Variants in YAP1 observed in about 807,000 individuals in gnomAD.
The protein encoded by YAP1 is transcriptional coactivator YAP1.
Under a neutral mutation model 56.9 loss-of-function variants are expected in YAP1, and 5 were observed. The ratio of observed to expected loss-of-function variants is 0.09; its 90% CI spans 0.05 to 0.18. The LOEUF (loss-of-function observed/expected upper bound fraction) is 0.18, where lower values mean the gene tolerates loss of function less well. Ranked by LOEUF, YAP1 falls within the 10% of genes least tolerant of loss-of-function variation. YAP1 has a pLI of 1.00. For synonymous variants in YAP1, 265 were observed against 248.1 expected (o/e 1.07, Z -0.64); for missense variants, 539 against 651.8 (o/e 0.83, Z 1.88).
chr11:102,185,963 T>G (rs1212989611), intron 3 of YAP1, 55 bp from the exon 4 acceptor site: 5 of 1,500,800 alleles, frequency 3.3e-6, no homozygotes, highest in East Asian at 4.8e-5. Context: ...CTCCCACTTT[T>G]TTTTAGGTGC....
At chr11:102,144,671 T>A (rs2135309998) in intron 2 of YAP1, among the ~76,000 whole-genome samples, 1 of 152,294 alleles carries the variant, frequency 6.6e-6, no homozygotes, top group South Asian at 2.1e-4. Context: ...TCTGCAAGAA[T>A]TTTTTCTGTA....
At chr11:102,222,877 C>T (rs534329525) in intron 6 of YAP1, among the ~76,000 whole-genome samples, 3 of 117,980 alleles carry the variant, frequency 2.5e-5, no homozygotes, top group East Asian at 4.7e-4. Context: ...TTTTTTTTGG[C>T]GGGGGAGGGG....
At chr11:102,218,131 A>G (rs1949749131) in intron 6 of YAP1, among the ~76,000 whole-genome samples, 1 of 152,244 alleles carries the variant, frequency 6.6e-6, no homozygotes, top group Admixed American at 6.5e-5. Flanking sequence ...TTTACTTGGA[A>G]TATCTAATCA....
chr11:102,111,548 T>C (rs1254271483), intron 1 of YAP1, among the ~76,000 whole-genome samples: 1 of 149,422 alleles, frequency 6.7e-6, no homozygotes, highest in Non-Finnish European at 1.5e-5. Flanking sequence ...GCGGTGGGCT[T>C]GCACAATGCG....
chr11:102,169,334 T>C (rs1321274445), intron 3 of YAP1, among the ~76,000 whole-genome samples: 1 of 152,250 alleles, frequency 6.6e-6, no homozygotes, highest in Non-Finnish European at 1.5e-5. Context: ...TTGTTAAAAA[T>C]CTGTTACCAC....
At chr11:102,133,073 A>G (rs1479630327) in intron 2 of YAP1, among the ~76,000 whole-genome samples, 1 of 152,106 alleles carries the variant, frequency 6.6e-6, no homozygotes, top group Non-Finnish European at 1.5e-5. Context: ...CAGGAGAATC[A>G]CTTGAACCAG....
chr11:102,209,138 G>T (rs1033210521), intron 5 of YAP1, among the ~76,000 whole-genome samples: 2 of 152,092 alleles, frequency 1.3e-5, no homozygotes, highest in Non-Finnish European at 2.9e-5. Flanking sequence ...AATAAATTCA[G>T]TATATCTTAA....
intron 3 of YAP1, among the ~76,000 whole-genome samples, chr11:102,178,849 C>G (rs1204442017): frequency 6.6e-6 from 1 of 152,126 alleles, no homozygotes. Flanking sequence ...AAGCATGGTG[C>G]CAGCGTCTGC....
chr11:102,120,943 G>T (rs1006154388), intron 2 of YAP1, among the ~76,000 whole-genome samples: 1 of 152,198 alleles, frequency 6.6e-6, no homozygotes, highest in Non-Finnish European at 1.5e-5. Flanking sequence ...CACCTAGGAG[G>T]TGAAGCAAGA....
At chr11:102,218,394 C>G (rs1262069566) in intron 6 of YAP1, among the ~76,000 whole-genome samples, 3 of 152,202 alleles carry the variant, frequency 2.0e-5, no homozygotes, top group Admixed American at 2.0e-4. Context: ...AGCTGTTACA[C>G]TGTTATAACT....
At chr11:102,126,071 G>C (rs1944021136) in intron 2 of YAP1, among the ~76,000 whole-genome samples, 1 of 152,040 alleles carries the variant, frequency 6.6e-6, no homozygotes, top group African/African-American at 2.4e-5. Context: ...TTTGAATCCA[G>C]AGTCTCCAGG....
At chr11:102,146,763 G>A (rs2135322293) in intron 2 of YAP1, among the ~76,000 whole-genome samples, 2 of 152,216 alleles carry the variant, frequency 1.3e-5, no homozygotes, top group African/African-American at 4.8e-5. Context: ...TTCCATTCTG[G>A]TGGAGAATTG....
At chr11:102,167,909 G>T (rs1301711261) in intron 3 of YAP1, among the ~76,000 whole-genome samples, 1 of 152,062 alleles carries the variant, frequency 6.6e-6, no homozygotes, top group Non-Finnish European at 1.5e-5. Context: ...AGGCATGGTG[G>T]CCACACACCT....
At chr11:102,226,798 G>A (rs758467058) in intron 7 of YAP1, among the ~76,000 whole-genome samples, 31 of 151,954 alleles carry the variant, frequency 2.0e-4, no homozygotes, top group Non-Finnish European at 3.2e-4. Context: ...GTTTCGTTTC[G>A]TACTGAAGTG....
intron 3 of YAP1, 100 bp from the exon 4 acceptor site, chr11:102,185,918 T>C (rs1225261244): frequency 1.4e-5 from 16 of 1,175,988 alleles, no homozygotes; most frequent in Non-Finnish European, 1.8e-5. Flanking sequence ...AATTGTTTTA[T>C]GTTAAGATGT....
At position 102,111,071 on chromosome 11, in the gene YAP1, C is replaced by CCCA; in HGVS notation, c.224_226dup (p.Pro75_Lys76insThr). ...GGCGCTCTTCAACGCCGTCATGAAC[C>CCCA]CCAAGACGGCCAACGTGCCCCAGAC... On this transcript the variant is annotated inframe_insertion, in exon 1 of 9. Transcript: ENST00000282441. 1 of 1,613,402 alleles carries CCCA rather than the reference C, an allele frequency of 6.2e-7. No individual in the cohort carries two copies. The highest frequency in any genetic ancestry group is 8.5e-7 in the Non-Finnish European group (1 of 1,179,832).
intron 2 of YAP1, among the ~76,000 whole-genome samples, chr11:102,150,284 T>C (rs1034046727): frequency 6.6e-6 from 1 of 152,102 alleles, no homozygotes; most frequent in Non-Finnish European, 1.5e-5. Context: ...GCGCCCAGCC[T>C]GCTTACTACT....
rs534318083 is a variant in YAP1, at chr11:102,230,823, T to A, written c.*883T>A. On this transcript the variant is annotated 3_prime_UTR_variant, in exon 9 of 9. Transcript: ENST00000282441. The stretch of plus-strand genomic sequence containing the variant: ...AAAATCTTCATTTCCTGGTTTTTTT[T>A]ACCACCTTATTTAAATCTCGATTAT... 31 of 152,518 alleles carry A rather than the reference T, an allele frequency of 2.0e-4. No individual in the cohort carries two copies. The highest frequency in any genetic ancestry group is 7.2e-4 in the African/African-American group (30 of 41,582). The allele number at this position is 152,518 out of a possible 1,614,324, so 9.4% of individuals were successfully genotyped here.
chr11:102,110,989 A>AC lies in YAP1; in HGVS notation c.147dup (p.Ala50ArgfsTer62). On this transcript the variant is annotated frameshift_variant, in exon 1 of 9. Coordinates refer to ENST00000282441, the MANE Select transcript of YAP1 (RefSeq NM_001130145.3). LOFTEE classifies it high-confidence loss of function. ...CGGCGACCCAGGCGGCGCCGCAGGC[A>AC]CCCCCCGCCGGGCATCAGATCGTGC... 1 of 1,552,126 alleles carries AC rather than the reference A, an allele frequency of 6.4e-7. No individual in the cohort carries two copies. Among genetic ancestry groups the AC allele is most frequent in the Non-Finnish European group, 8.7e-7 (1 of 1,152,082 alleles).
Sources: gnomAD v4.1 joint callset for allele counts (sites outside exome capture counted in the v4.1 genomes callset) on GRCh38, gnomAD v4.1.1 for gene constraint, MANE v1.5 for transcripts, NCBI Gene and HGNC (gene_info 2026-07-23, HGNC 2026-07-21) for gene names.